Variants in CDC73 observed in about 807,000 individuals in gnomAD.
The protein encoded by CDC73 is cell division cycle 73, also known as parafibromin.
CDC73 carries 21 observed loss-of-function variants against 83.7 expected under a neutral mutation model. The observed-to-expected ratio is 0.25, with a 90% CI of 0.18 to 0.36. CDC73 has a LOEUF of 0.36. Ranked by LOEUF, CDC73 falls within the 10% of genes least tolerant of loss-of-function variation. The pLI, the probability that CDC73 is intolerant of heterozygous loss-of-function variation, is 1.00. For synonymous variants in CDC73, 224 were observed against 212.9 expected (o/e 1.05, Z -0.45); for missense variants, 342 against 653.3 (o/e 0.52, Z 5.19).
chr1:193,192,127 C>T (rs953634581), intron 10 of CDC73, among the ~76,000 whole-genome samples: 1 of 152,106 alleles, frequency 6.6e-6, no homozygotes, highest in African/African-American at 2.4e-5. Context: ...ATTTTAATGG[C>T]TGTAGTAGAT....
Position 193,233,014 on chromosome 1 carries a change from G to A in CDC73, c.1176G>A (p.Lys392=), listed in dbSNP as rs767993995. 5.6e-6 allele frequency: 9 copies of A among 1,613,656 alleles called. No individual in the cohort carries two copies. The South Asian group carries it at 9.9e-5, about 18-fold the overall frequency. Residue 392 remains lysine (K), a synonymous_variant, in exon 14 of 17, where the codon AAG becomes AAA. Coordinates refer to ENST00000367435, the MANE Select transcript of CDC73 (RefSeq NM_024529.5). The part of the protein sequence containing the change: ...QDLKFVPSDE[K]KKQGCQRENE... ...AAAGATTTGTCCCATCAGATGAAAA[G>A]AAGAAACAAGGTTGTCAACGAGAAA... is the stretch of plus-strand genomic sequence containing the variant.
At chr1:193,200,089 A>C (rs544435336) in intron 10 of CDC73, among the ~76,000 whole-genome samples, 2 of 151,904 alleles carry the variant, frequency 1.3e-5, no homozygotes, top group South Asian at 4.2e-4. Context: ...CAAAAAACAA[A>C]AACTAGCCTG....
At chr1:193,152,588 G>A (rs1676132875) in intron 10 of CDC73, 144 bp downstream of exon 10, 9 of 631,830 alleles carry the variant, frequency 1.4e-5, no homozygotes, top group Non-Finnish European at 2.3e-5. Flanking sequence ...TCTGTGTGGT[G>A]TATTATTTGA....
chr1:193,143,745 A>G (rs1298216547), intron 7 of CDC73, among the ~76,000 whole-genome samples: 5 of 152,156 alleles, frequency 3.3e-5, no homozygotes, highest in Admixed American at 2.6e-4. Flanking sequence ...TGGGTTTTAG[A>G]TAGACCTTCA....
rs991014556 is a variant in CDC73, at chr1:193,252,577, T to G, written c.*1865T>G. ...ATTTGCCTTATGTATATTCAAAGGC[T>G]TATGGAAATACTGTAAAGGAACATT... On this transcript the variant is annotated 3_prime_UTR_variant, in exon 17 of 17. Coordinates refer to ENST00000367435, the MANE Select transcript of CDC73 (RefSeq NM_024529.5). 6 of 231,044 alleles carry G rather than the reference T, an allele frequency of 2.6e-5. No homozygotes were observed. Among genetic ancestry groups the G allele is most frequent in the African/African-American group, 1.3e-4 (6 of 45,248 alleles). 14.3% of individuals were successfully genotyped at this position (231,044 alleles called of 1,614,324 possible). A position where few individuals can be genotyped will look rare whatever the true frequency, so the allele number is the denominator to read the frequency against.
chr1:193,247,991 A>G (rs1319161707), intron 15 of CDC73, among the ~76,000 whole-genome samples: 1 of 152,176 alleles, frequency 6.6e-6, no homozygotes, highest in Non-Finnish European at 1.5e-5. Context: ...GAAGTTGACT[A>G]CACTAAACAA....
chr1:193,180,036 T>G, intron 10 of CDC73: 1 of 279,660 alleles, frequency 3.6e-6, no homozygotes, highest in Non-Finnish European at 6.6e-6. Context: ...ACCATTGATT[T>G]ATGCATGCTT....
chr1:193,241,180 T>C (rs1384333282), intron 15 of CDC73, among the ~76,000 whole-genome samples: 2 of 152,232 alleles, frequency 1.3e-5, no homozygotes, highest in South Asian at 2.1e-4. Context: ...GGGAGGACTT[T>C]TCCCCGAAGA....
chr1:193,124,348 TTTCATAGTACAA>T lies in CDC73; in HGVS notation c.132-762_132-751del, dbSNP rs552442310. Among the ~76,000 whole-genome samples, 107 of 152,358 alleles carry T rather than the reference TTTCATAGTACAA, an allele frequency of 7.0e-4. No homozygotes were observed. The South Asian group carries it at 7.9e-3, about 11-fold the overall frequency. On this transcript the variant is annotated intron_variant, in intron 1 of 16. Transcript: ENST00000367435. ...ATATGGTTGTTAACTATTTATTGGG[TTTCATAGTACAA>T]TAATTGATGGTGTGTGGTTTGAAAT... is the stretch of plus-strand genomic sequence containing the variant.
rs1677802264 is a variant in CDC73 at position 193,238,492 on chromosome 1, C to T, written c.1417+2136C>T. Reference sequence around the variant, plus strand: ...GAATTTGATTCTGTTGACTCCTTTACTCCTTTTTAAGTTACTTTCCAAGTA... The same window carrying T: ...GAATTTGATTCTGTTGACTCCTTTATTCCTTTTTAAGTTACTTTCCAAGTA... On this transcript the variant is annotated intron_variant, in intron 15 of 16. Transcript: ENST00000367435. 4.6e-5 allele frequency among the ~76,000 whole-genome samples: 7 copies of T among 152,158 alleles called. No individual in the cohort carries two copies. The South Asian group carries it at 1.5e-3, about 32-fold the overall frequency.
chr1:193,191,588 A>G (rs1257236656), intron 10 of CDC73, among the ~76,000 whole-genome samples: 3 of 151,974 alleles, frequency 2.0e-5, no homozygotes, highest in African/African-American at 7.3e-5. Context: ...CGGTTTCGTC[A>G]TGTTGCAGGC....
Position 193,142,098 on chromosome 1 carries a change from TGAGAGAGA to T in CDC73, c.729+44_729+51del, listed in dbSNP as rs80356646. 15 of 1,437,930 alleles carry T rather than the reference TGAGAGAGA, an allele frequency of 1.0e-5. No homozygotes were observed. The African/African-American group carries it at 1.6e-4, about 15-fold the overall frequency. 89.1% of individuals were successfully genotyped at this position (1,437,930 alleles called of 1,614,324 possible). ...AAAATATTTTACTCATTCATTGGAG[TGAGAGAGA>T]GAGAGAGAGAGTGCGTTTAATCTGT... On this transcript the variant is annotated intron_variant, in intron 7 of 16. Coordinates refer to ENST00000367435, the MANE Select transcript of CDC73 (RefSeq NM_024529.5).
intron 10 of CDC73, among the ~76,000 whole-genome samples, chr1:193,200,444 A>C (rs1026849143): frequency 2.6e-5 from 4 of 152,208 alleles, no homozygotes; most frequent in Admixed American, 1.3e-4. Context: ...ATTGCTTGTA[A>C]ACAGCATACT....
intron 13 of CDC73, among the ~76,000 whole-genome samples, chr1:193,224,576 C>A (rs1233977737): frequency 6.6e-6 from 1 of 151,788 alleles, no homozygotes; most frequent in Admixed American, 6.6e-5. Flanking sequence ...CACATATACA[C>A]ATATATGAAA....
intron 1 of CDC73, 116 bp downstream of exon 1, chr1:193,122,447 C>T: frequency 1.5e-6 from 2 of 1,357,184 alleles, no homozygotes; most frequent in Non-Finnish European, 2.1e-6. Context: ...AACGGGTGTT[C>T]GGGGAAAAGA....
chr1:193,215,054 A>T (rs1677342034), intron 13 of CDC73, among the ~76,000 whole-genome samples: 1 of 152,220 alleles, frequency 6.6e-6, no homozygotes, highest in African/African-American at 2.4e-5. Context: ...TGTGTTTAGC[A>T]CTTGGTGTAA....
At chr1:193,187,608 T>C (rs891854572) in intron 10 of CDC73, among the ~76,000 whole-genome samples, 6 of 152,206 alleles carry the variant, frequency 3.9e-5, no homozygotes, top group Non-Finnish European at 8.8e-5. Flanking sequence ...AATTCAGTCC[T>C]AGAAAGTTAT....
At chr1:193,171,256 C>T (rs1480686629) in intron 10 of CDC73, among the ~76,000 whole-genome samples, 3 of 152,198 alleles carry the variant, frequency 2.0e-5, no homozygotes, top group Non-Finnish European at 2.9e-5. Context: ...TTTCTATTGT[C>T]ACAGTAATAA....
At position 193,252,268 on chromosome 1, in the gene CDC73, TAAAA is replaced by T; in HGVS notation, c.*1557_*1560del. The T allele has an allele frequency of 4.3e-6, 1 of 230,758 alleles. No individual in the cohort carries two copies. Among genetic ancestry groups the T allele is most frequent in the East Asian group, 6.2e-5 (1 of 16,210 alleles). The allele number at this position is 230,758 out of a possible 1,614,324, so 14.3% of individuals were successfully genotyped here. ...TTTTAGCGTCTTCTTTCCTTAAAGA[TAAAA>T]GAAAACTCAAATTTGTTTACATTAG... On this transcript the variant is annotated 3_prime_UTR_variant, in exon 17 of 17. Transcript: ENST00000367435.
Sources: gnomAD v4.1 joint callset for allele counts (sites outside exome capture counted in the v4.1 genomes callset) on GRCh38, gnomAD v4.1.1 for gene constraint, MANE v1.5 for transcripts, NCBI Gene and HGNC (gene_info 2026-07-23, HGNC 2026-07-21) for gene names.